Variants in THOC2 observed in about 807,000 individuals in gnomAD.
The protein encoded by THOC2 is THO complex subunit 2.
In THOC2, 10 loss-of-function variants were observed where a neutral mutation model predicts 128.4. The observed-to-expected ratio is 0.08, with a 90% CI of 0.05 to 0.13. The LOEUF is 0.13. THOC2 is among the 10% of genes least tolerant of loss of function. The probability of loss-of-function intolerance (pLI) is 1.00; values close to 1 mark genes in which losing one functional copy is unlikely to be tolerated. For missense variants in THOC2, 535 were observed against 1,155.7 expected, an observed-to-expected ratio of 0.46 and a Z score of 7.79; for synonymous variants, 393 against 396.9, an observed-to-expected ratio of 0.99 and a Z score of 0.12.
chrX:123,659,993 TA>T (rs2048764117), intron 12 of THOC2, among the ~76,000 whole-genome samples: 1 of 111,893 alleles, frequency 8.9e-6, no homozygotes, highest in East Asian at 2.8e-4. Context: ...CTTTTATGGG[TA>T]AAAATAGATC....
chrX:123,683,478 A>G (rs2049874079), intron 8 of THOC2, among the ~76,000 whole-genome samples: 1 of 111,426 alleles, frequency 9.0e-6, no homozygotes, highest in Admixed American at 9.6e-5. Context: ...TCACCTAAGC[A>G]GTTCCTGATT....
chrX:123,694,369 C>G (rs1361328161), intron 7 of THOC2, among the ~76,000 whole-genome samples: 1 of 111,343 alleles, frequency 9.0e-6, no homozygotes, highest in Non-Finnish European at 1.9e-5. Context: ...AATCCCAGCA[C>G]TTTGGGAGGC....
At chrX:123,621,950 C>T (rs1479293990) in intron 30 of THOC2, among the ~76,000 whole-genome samples, 1 of 111,257 alleles carries the variant, frequency 9.0e-6, no homozygotes, top group African/African-American at 3.3e-5. Context: ...GAGGCTGAGG[C>T]AAGAGAATCA....
Position 123,615,658 on chromosome X carries a change from C to T in THOC2, c.4312-1469G>A, listed in dbSNP as rs868761231. ...CCCAATAAAAGCAAAAAAAAAAATA[C>T]ACACACACACACACACACACACAAC... On this transcript the variant is annotated intron_variant, in intron 33 of 38. Transcript: ENST00000245838. 2.2e-4 allele frequency among the ~76,000 whole-genome samples: 22 copies of T among 98,832 alleles called. No homozygotes were observed. The East Asian group carries it at 2.9e-3, about 13-fold the overall frequency. 85.8% of individuals were successfully genotyped at this position (98,832 alleles called of 115,157 possible).
chrX:123,659,343 C>T (rs1209668546), intron 12 of THOC2, among the ~76,000 whole-genome samples: 1 of 112,459 alleles, frequency 8.9e-6, no homozygotes, highest in East Asian at 2.8e-4. Flanking sequence ...GAGGCCGAGG[C>T]GGGCGGATCA....
chrX:123,695,960 C>T (rs2050432314), intron 7 of THOC2, 61 bp downstream of exon 7: 1 of 823,834 alleles, frequency 1.2e-6, no homozygotes, highest in South Asian at 3.7e-5. Flanking sequence ...TATGGATATT[C>T]TCCAATAGCT....
At chrX:123,729,823 A>AT (rs1006289168) in intron 1 of THOC2, among the ~76,000 whole-genome samples, 1 of 112,052 alleles carries the variant, frequency 8.9e-6, no homozygotes, top group African/African-American at 3.2e-5. Context: ...TTTGTAATAT[A>AT]TTTGCACCAC....
intron 3 of THOC2, among the ~76,000 whole-genome samples, chrX:123,703,898 A>AAAAAAAAAC (rs2050814728): frequency 9.7e-6 from 1 of 103,286 alleles, no homozygotes; most frequent in Non-Finnish European, 2.0e-5. Flanking sequence ...TTTAAAAAAA[A>AAAAAAAAAC]AAAAAAAAAA....
chrX:123,647,840 CAAAAAA>C (rs60123342), intron 12 of THOC2, among the ~76,000 whole-genome samples: 3 of 37,516 alleles, frequency 8.0e-5, no homozygotes, highest in Non-Finnish European at 1.3e-4. Context: ...GACTCTGTCT[CAAAAAA>C]AAAAAAAAAA....
intron 8 of THOC2, among the ~76,000 whole-genome samples, chrX:123,677,550 T>C (rs2049553086): frequency 8.9e-6 from 1 of 112,036 alleles, no homozygotes; most frequent in Non-Finnish European, 1.9e-5. Context: ...CTTTATATCC[T>C]TATTCTATAA....
At chrX:123,703,277 T>C (rs1299189659) in intron 4 of THOC2, among the ~76,000 whole-genome samples, 177 bp downstream of exon 4, 3 of 112,247 alleles carry the variant, frequency 2.7e-5, no homozygotes, top group African/African-American at 9.7e-5. Context: ...CCTCTAAAGT[T>C]TGTTTATAAC....
intron 5 of THOC2, 75 bp from the exon 6 acceptor site, chrX:123,696,917 C>T (rs2050468719): frequency 1.2e-6 from 1 of 801,479 alleles, no homozygotes; most frequent in African/African-American, 2.2e-5. Flanking sequence ...CAAACTAAAG[C>T]TTCCTAAATA....
At chrX:123,722,092 C>T (rs1392354754) in intron 1 of THOC2, among the ~76,000 whole-genome samples, 1 of 111,963 alleles carries the variant, frequency 8.9e-6, no homozygotes, top group Non-Finnish European at 1.9e-5. Flanking sequence ...TATTTGCTGC[C>T]GATGATACGC....
At chrX:123,649,771 GAACA>G (rs1451404068) in intron 12 of THOC2, among the ~76,000 whole-genome samples, 2 of 111,008 alleles carry the variant, frequency 1.8e-5, no homozygotes, top group African/African-American at 6.5e-5. Context: ...GAATGTAAAG[GAACA>G]AACAAAGCTT....
Position 123,627,921 on chromosome X carries a change from T to C in THOC2, c.2529A>G (p.Gln843=). 1.7e-6 allele frequency: 2 copies of C among 1,210,093 alleles called. No individual in the cohort carries two copies. The highest frequency in any genetic ancestry group is 2.3e-4 in the Middle Eastern group (1 of 4,346). The change falls in exon 23 of 39, where the codon CAA becomes CAG. Residue 843 remains glutamine (Q), a synonymous_variant. Transcript: ENST00000245838. ...LKKSEKGSKQ[Q]HKVHKYITSC... Reference sequence around the variant, plus strand: ...ATGTAATGTACTTATGAACTTTATGTTGCTGTTTACTTCCCTTTTCTGATT... The same window carrying C: ...ATGTAATGTACTTATGAACTTTATGCTGCTGTTTACTTCCCTTTTCTGATT...
chrX:123,620,414 A>C (rs1177002911), intron 32 of THOC2: 2 of 112,724 alleles, frequency 1.8e-5, no homozygotes, highest in African/African-American at 3.2e-5. Flanking sequence ...CACCAAGGAG[A>C]CTTTAAAATG....
Position 123,668,267 on chromosome X carries a change from A to T in THOC2, c.909T>A (p.Ile303=). ...NCIMDEHKRE[I]AEAKQIVRKL... ...TTCTAACAATTTGCTTAGCTTCCGC[A>T]ATTTCTCGTTTGTGTTCATCCATAA... is the stretch of plus-strand genomic sequence containing the variant. Residue 303 remains isoleucine (I), a synonymous_variant, in exon 10 of 39, where the codon ATT becomes ATA. Coordinates refer to ENST00000245838, the MANE Select transcript of THOC2 (RefSeq NM_001081550.2). 1.7e-6 allele frequency: 2 copies of T among 1,203,133 alleles called. No homozygotes were observed. The highest frequency in any genetic ancestry group is 3.6e-5 in the South Asian group (2 of 54,921).
Position 123,601,174 on chromosome X carries a change from A to AC in THOC2, c.*182_*183insG, listed in dbSNP as rs1236385665. On this transcript the variant is annotated 3_prime_UTR_variant, in exon 39 of 39. Coordinates refer to ENST00000245838, the MANE Select transcript of THOC2 (RefSeq NM_001081550.2). ...GAAACTAAGCAACAAGTTAAAATAC[A>AC]GTAATGCACAACTTAACAATTTTAA... is the stretch of plus-strand genomic sequence containing the variant. 8.9e-6 allele frequency: 1 copy of AC among 112,581 alleles called. No homozygotes were observed. The highest frequency in any genetic ancestry group is 1.9e-5 in the Non-Finnish European group (1 of 53,282). The allele number at this position is 112,581 out of a possible 1,213,427, so 9.3% of individuals were successfully genotyped here.
chrX:123,636,055 T>C lies in THOC2; in HGVS notation c.2018+24A>G, dbSNP rs958950766. On this transcript the variant is annotated intron_variant, in intron 19 of 38. Transcript: ENST00000245838. Reference sequence around the variant, plus strand: ...ACCAAAAGTACTCTATTGAATTTCATTATGTATAATTTGCTATGAATACCT... The same window carrying C: ...ACCAAAAGTACTCTATTGAATTTCACTATGTATAATTTGCTATGAATACCT... The C allele has an allele frequency of 5.3e-6, 6 of 1,139,146 alleles. No homozygotes were observed. The African/African-American group carries it at 9.0e-5, about 17-fold the overall frequency. 93.9% of individuals were successfully genotyped at this position (1,139,146 alleles called of 1,213,427 possible).
Sources: allele counts gnomAD v4.1 joint callset (sites outside exome capture counted in the v4.1 genomes callset), GRCh38; gene constraint gnomAD v4.1.1; transcripts MANE v1.5; gene names NCBI Gene and HGNC (gene_info 2026-07-23, HGNC 2026-07-21).